DEPDC4: variants seen among roughly 807,000 people sequenced by gnomAD.
DEPDC4 encodes the protein DEP domain-containing protein 4.
Under a neutral mutation model 52.0 loss-of-function variants are expected in DEPDC4, and 52 were observed. That is an observed-to-expected ratio of 1.00 (90% CI 0.80 to 1.26). DEPDC4 has a LOEUF of 1.26. Among genes scored for constraint, DEPDC4 ranks in the 50% most tolerant of loss-of-function variants. The pLI, the probability that DEPDC4 is intolerant of heterozygous loss-of-function variation, is 0.00. For missense variants in DEPDC4, 530 were observed against 546.9 expected, an observed-to-expected ratio of 0.97 and a Z score of 0.31; for synonymous variants, 201 against 196.8, an observed-to-expected ratio of 1.02 and a Z score of -0.18.
the DEPDC4 span, among the ~76,000 whole-genome samples, chr12:100,280,856 C>T: frequency 6.6e-6 from 1 of 151,934 alleles, no homozygotes; most frequent in Non-Finnish European, 1.5e-5. Flanking sequence ...GATAAATATT[C>T]AACCTGTAAC....
chr12:100,232,034 G>C (rs1354099158), intron 9 of DEPDC4, among the ~76,000 whole-genome samples: 1 of 152,104 alleles, frequency 6.6e-6, no homozygotes, highest in East Asian at 1.9e-4. Flanking sequence ...AAGGTTAAGT[G>C]GTTTCATATT....
chr12:100,280,767 G>A, the DEPDC4 span, among the ~76,000 whole-genome samples: 1 of 151,986 alleles, frequency 6.6e-6, no homozygotes, highest in East Asian at 1.9e-4. Context: ...GGATTGCTCA[G>A]GCAGTAAGTA....
upstream of DEPDC4, chr12:100,267,420 G>A: frequency 5.1e-6 from 1 of 197,180 alleles, no homozygotes; most frequent in Non-Finnish European, 1.0e-5. Context: ...CGCCGGCACC[G>A]ACCGACCTCC....
rs1385807593 is a variant in DEPDC4 at position 100,267,078 on chromosome 12, G to C, written c.-2C>G. ...CGCTGGCTCCTCCCCTGGCACCATA[G>C]CCCCGCCCCACCTGACACCCGGGGC... On this transcript the variant is annotated 5_prime_UTR_variant, in exon 1 of 10. Coordinates refer to ENST00000550587, the MANE Select transcript of DEPDC4 (RefSeq NM_001364818.2). 3 of 1,612,196 alleles carry C rather than the reference G, an allele frequency of 1.9e-6. No homozygotes were observed. Among genetic ancestry groups the C allele is most frequent in the Non-Finnish European group, 2.5e-6 (3 of 1,179,168 alleles).
the DEPDC4 span, among the ~76,000 whole-genome samples, chr12:100,278,291 C>T: frequency 6.6e-6 from 1 of 152,138 alleles, no homozygotes; most frequent in African/African-American, 2.4e-5. Context: ...CCTCCACCTC[C>T]TGGTCTCAAT....
the DEPDC4 span, among the ~76,000 whole-genome samples, chr12:100,280,673 C>T: frequency 3.9e-5 from 6 of 152,090 alleles, no homozygotes; most frequent in Non-Finnish European, 7.4e-5. Context: ...CTGAAATGCT[C>T]CAGAATCTGA....
chr12:100,255,878 G>C, intron 4 of DEPDC4, 171 bp downstream of exon 4: 1 of 487,728 alleles, frequency 2.1e-6, no homozygotes, highest in Admixed American at 3.5e-5. Context: ...TGATCTTATA[G>C]GTCATGACCA....
At chr12:100,251,088 C>T (rs189371238) in intron 7 of DEPDC4, among the ~76,000 whole-genome samples, 204 of 152,110 alleles carry the variant, frequency 1.3e-3, no homozygotes, top group African/African-American at 4.7e-3. Flanking sequence ...CAATATGTTG[C>T]ATTATGACAT....
At chr12:100,267,955 C>A (rs892503738), upstream of DEPDC4, among the ~76,000 whole-genome samples, 4 of 152,086 alleles carry the variant, frequency 2.6e-5, no homozygotes, top group African/African-American at 9.7e-5. Flanking sequence ...AGAGAAAAAA[C>A]CCCACGGTTA....
intron 8 of DEPDC4, among the ~76,000 whole-genome samples, chr12:100,244,091 CTG>C (rs201487180): frequency 0.21 from 7,405 of 34,470 alleles, 1,059 homozygotes; most frequent in East Asian, 0.48. Context: ...CTCTCTCTCT[CTG>C]TGTATATATA....
At chr12:100,272,908 A>G in the DEPDC4 span, among the ~76,000 whole-genome samples, 1 of 152,230 alleles carries the variant, frequency 6.6e-6, no homozygotes, top group Non-Finnish European at 1.5e-5. Context: ...AAATATCTGT[A>G]TAACTAGCAC....
In DEPDC4 at chr12:100,252,161, A is replaced by C. The variant is rs563419267; in HGVS notation, c.1374+15T>G. 10 of 1,161,568 alleles carry C rather than the reference A, an allele frequency of 8.6e-6. No individual in the cohort carries two copies. Among genetic ancestry groups the C allele is most frequent in the Admixed American group, 9.5e-5 (2 of 21,158 alleles). 72.0% of individuals were successfully genotyped at this position (1,161,568 alleles called of 1,614,324 possible). A position where few individuals can be genotyped will look rare whatever the true frequency, so the allele number is the denominator to read the frequency against. On this transcript the variant is annotated intron_variant, in intron 7 of 9. Coordinates refer to ENST00000550587, the MANE Select transcript of DEPDC4 (RefSeq NM_001364818.2). ...GCTTAGTAATAAATGTGCCCAGGCA[A>C]AATGCCAGAGATACCTTGAAGAGCT...
chr12:100,252,736 T>TA (rs2096213555), intron 5 of DEPDC4, among the ~76,000 whole-genome samples, 200 bp from the exon 6 acceptor site: 1 of 152,242 alleles, frequency 6.6e-6, no homozygotes, highest in Non-Finnish European at 1.5e-5. Context: ...GCGATGTAGC[T>TA]ATATCCAGCA....
the DEPDC4 span, among the ~76,000 whole-genome samples, chr12:100,272,685 T>G: frequency 6.6e-6 from 1 of 152,172 alleles, no homozygotes; most frequent in Non-Finnish European, 1.5e-5. Context: ...GGCTTCACCT[T>G]CCACCTAGAC....
intron 8 of DEPDC4, among the ~76,000 whole-genome samples, chr12:100,244,858 T>TTTTA (rs1471097825): frequency 1.3e-5 from 2 of 150,794 alleles, no homozygotes; most frequent in Admixed American, 1.3e-4. Flanking sequence ...CCCATGCTTA[T>TTTTA]TTTATTTATT....
upstream of DEPDC4, among the ~76,000 whole-genome samples, chr12:100,270,413 C>T (rs2135783661): frequency 6.6e-6 from 1 of 152,172 alleles, no homozygotes; most frequent in African/African-American, 2.4e-5. Flanking sequence ...TAGTGAGAAA[C>T]TGTCACCCCT....
intron 2 of DEPDC4, 42 bp from the exon 3 acceptor site, chr12:100,262,451 A>G: frequency 6.9e-7 from 1 of 1,459,000 alleles, no homozygotes; most frequent in Non-Finnish European, 9.1e-7. Flanking sequence ...TATACACAGA[A>G]CCAAAATTTC....
Position 100,252,492 on chromosome 12 carries a change from G to A in DEPDC4, c.1150C>T (p.Leu384=), listed in dbSNP as rs1298571500. 2.5e-6 allele frequency: 4 copies of A among 1,609,376 alleles called. No homozygotes were observed. The highest frequency in any genetic ancestry group is 3.3e-5 in the Admixed American group (2 of 59,714). ...AEALEATQLY[L]RLLLLNIREE... The stretch of plus-strand genomic sequence containing the variant: ...CTAATGTTCAGCAACAGCAATCTTA[G>A]ATATAGTTGTGTTGCTTCAAGTGCT... Residue 384 remains leucine, a synonymous_variant, in exon 6 of 10, where the codon CTA becomes TTA. Coordinates refer to ENST00000550587, the MANE Select transcript of DEPDC4 (RefSeq NM_001364818.2).
At chr12:100,257,180 T>C (rs866322563) in intron 3 of DEPDC4, among the ~76,000 whole-genome samples, 1 of 149,188 alleles carries the variant, frequency 6.7e-6, no homozygotes, top group African/African-American at 2.5e-5. Flanking sequence ...CCCGCTGAAG[T>C]GATTCTCCTG....
Sources: gnomAD v4.1 joint callset for allele counts (sites outside exome capture counted in the v4.1 genomes callset) on GRCh38, gnomAD v4.1.1 for gene constraint, MANE v1.5 for transcripts, NCBI Gene and HGNC (gene_info 2026-07-23, HGNC 2026-07-21) for gene names.